The following OPCML variants were observed in gnomAD, a reference collection of about 807,000 sequenced individuals.
OPCML encodes opioid binding protein/cell adhesion molecule like.
A neutral mutation model predicts 37.8 loss-of-function variants in OPCML; 13 were observed. The observed-to-expected ratio is 0.34, with a 90% CI of 0.22 to 0.55. OPCML has a LOEUF of 0.55. OPCML is among the 20% of genes least tolerant of loss of function. OPCML has a pLI of 0.91. For missense variants in OPCML, 341 were observed against 435.6 expected (o/e 0.78, Z 1.93); for synonymous variants, 176 against 168.8 (o/e 1.04, Z -0.33).
chr11:132,711,575 A>C (rs1262411896), intron 2 of OPCML, among the ~76,000 whole-genome samples: 1 of 152,204 alleles, frequency 6.6e-6, no homozygotes, highest in East Asian at 1.9e-4. Flanking sequence ...CCAGGACAAC[A>C]TAGCTAGCAG....
At chr11:133,028,667 A>C (rs1441306579) in intron 1 of OPCML, among the ~76,000 whole-genome samples, 2 of 152,092 alleles carry the variant, frequency 1.3e-5, no homozygotes, top group Admixed American at 6.6e-5. Context: ...CAAAAGAATG[A>C]AACTGGACCC....
chr11:132,782,348 A>G (rs553333417), intron 2 of OPCML, among the ~76,000 whole-genome samples: 1 of 152,150 alleles, frequency 6.6e-6, no homozygotes, highest in African/African-American at 2.4e-5. Context: ...CTGCACACCC[A>G]CCACGGAGCT....
chr11:133,159,577 A>T (rs1214588263), intron 1 of OPCML, among the ~76,000 whole-genome samples: 2 of 152,254 alleles, frequency 1.3e-5, no homozygotes, highest in African/African-American at 4.8e-5. Context: ...AATTTCAATG[A>T]CTAAAGCAAG....
Position 133,058,813 on chromosome 11 carries a change from A to T in OPCML, c.62-115803T>A, listed in dbSNP as rs1565424257. ...ACCTAAGTATTTTAAGGATAAAAAT[A>T]ATCTGGCAAGATGACTTTACAGTCA... On this transcript the variant is annotated intron_variant, in intron 1 of 7. Transcript: ENST00000524381. Among the ~76,000 whole-genome samples the T allele has an allele frequency of 2.0e-5, 3 of 152,234 alleles. No individual in the cohort carries two copies. The South Asian group carries it at 6.2e-4, about 31-fold the overall frequency.
chr11:133,498,093 C>CGGAGAGGAGAGGAGA (rs1362095786), intron 1 of OPCML, among the ~76,000 whole-genome samples: 1 of 152,210 alleles, frequency 6.6e-6, no homozygotes, highest in Non-Finnish European at 1.5e-5. Context: ...TCTGCACCAC[C>CGGAGAGGAGAGGAGA]GGAGAGGAGA....
chr11:133,236,498 G>A (rs150038958), intron 1 of OPCML, among the ~76,000 whole-genome samples: 1 of 146,034 alleles, frequency 6.8e-6, no homozygotes, highest in African/African-American at 2.4e-5. Context: ...TAAAGTAGAG[G>A]TTCCTTTTCA....
chr11:132,534,340 C>A (rs189550557), intron 3 of OPCML, among the ~76,000 whole-genome samples: 4 of 152,154 alleles, frequency 2.6e-5, no homozygotes, highest in Non-Finnish European at 5.9e-5. Flanking sequence ...TCTCTCTGGC[C>A]CACTAAACTA....
rs144377195 is a variant in OPCML, at chr11:133,045,064, G to C, written c.62-102054C>G. Among the ~76,000 whole-genome samples, 5 of 152,254 alleles carry C rather than the reference G, an allele frequency of 3.3e-5. No individual in the cohort carries two copies. The East Asian group carries it at 9.7e-4, about 29-fold the overall frequency. ...GAGGAAAAAGTTGGCTACTGTCCTA[G>C]AGCTGGTTCAAATCCCCAGTCGAAG... is the stretch of plus-strand genomic sequence containing the variant. On this transcript the variant is annotated intron_variant, in intron 1 of 7. Transcript: ENST00000524381.
chr11:133,471,941 G>A (rs1947125813), intron 1 of OPCML, among the ~76,000 whole-genome samples: 1 of 152,184 alleles, frequency 6.6e-6, no homozygotes, highest in South Asian at 2.1e-4. Flanking sequence ...CCATGATTCT[G>A]CCAGTCATCC....
chr11:133,319,812 C>T (rs538587545), intron 1 of OPCML, among the ~76,000 whole-genome samples: 11 of 152,292 alleles, frequency 7.2e-5, no homozygotes, highest in Admixed American at 6.5e-4. Context: ...CTCCTGAGGT[C>T]GCCCTGGAGG....
intron 1 of OPCML, among the ~76,000 whole-genome samples, chr11:133,056,017 T>C (rs1476752572): frequency 6.6e-6 from 1 of 152,184 alleles, no homozygotes; most frequent in African/African-American, 2.4e-5. Flanking sequence ...TGAGACTCCA[T>C]GAGGGAGCCG....
intron 1 of OPCML, among the ~76,000 whole-genome samples, chr11:133,351,509 T>A (rs1026317645): frequency 7.5e-5 from 11 of 145,730 alleles, no homozygotes; most frequent in Non-Finnish European, 1.3e-4. Context: ...AATTGTTAGG[T>A]CATTGCTACT....
chr11:133,523,956 C>T (rs914592860), intron 1 of OPCML, among the ~76,000 whole-genome samples: 6 of 152,228 alleles, frequency 3.9e-5, no homozygotes, highest in South Asian at 4.1e-4. Context: ...ACACACCTCC[C>T]CTTCCATAGT....
Position 133,211,538 on chromosome 11 carries a change from C to T in OPCML, c.62-268528G>A, listed in dbSNP as rs987047954. Among the ~76,000 whole-genome samples the T allele has an allele frequency of 1.3e-5, 2 of 152,180 alleles. No homozygotes were observed. The highest frequency in any genetic ancestry group is 4.8e-5 in the African/African-American group (2 of 41,438). ...TAAGTCAGAGGAGGGGCTTTGAAAA[C>T]TTGAACACTTCCGAAGGTTCTGTAA... On this transcript the variant is annotated intron_variant, in intron 1 of 7. Transcript: ENST00000524381. This position sits in a 1 kb window ranked among gnomAD's most constrained non-coding sequence, Gnocchi z 4.1.
At chr11:133,481,481 G>A (rs572673256) in intron 1 of OPCML, among the ~76,000 whole-genome samples, 187 of 140,724 alleles carry the variant, frequency 1.3e-3, no homozygotes, top group African/African-American at 4.8e-3. Context: ...ATAAATAAAT[G>A]TATGTATGTA....
intron 2 of OPCML, among the ~76,000 whole-genome samples, chr11:132,781,480 G>A (rs1256451613): frequency 6.6e-6 from 1 of 151,978 alleles, no homozygotes; most frequent in African/African-American, 2.4e-5. Context: ...GCTCTTCGGG[G>A]TCTGCAGCTT....
At chr11:132,861,882 C>G (rs1273676891) in intron 2 of OPCML, among the ~76,000 whole-genome samples, 1 of 150,208 alleles carries the variant, frequency 6.7e-6, no homozygotes, top group Non-Finnish European at 1.5e-5. Context: ...TAATTTTACT[C>G]TCTCCTTAAG....
At chr11:132,930,144 G>A (rs1335174653) in intron 2 of OPCML, among the ~76,000 whole-genome samples, 1 of 152,062 alleles carries the variant, frequency 6.6e-6, no homozygotes, top group Non-Finnish European at 1.5e-5. Flanking sequence ...CAGGCAGATA[G>A]CTTGAGCCCA....
chr11:132,681,010 T>A (rs1022506232), intron 2 of OPCML, among the ~76,000 whole-genome samples: 1 of 152,130 alleles, frequency 6.6e-6, no homozygotes, highest in African/African-American at 2.4e-5. Context: ...GCAGAACCCC[T>A]CCAGCCAAGA....
Sources: gnomAD v4.1 joint callset for allele counts (sites outside exome capture counted in the v4.1 genomes callset) on GRCh38, gnomAD v4.1.1 for gene constraint, Gnocchi (gnomAD v3.1) non-coding constraint, MANE v1.5 for transcripts, NCBI Gene and HGNC (gene_info 2026-07-23, HGNC 2026-07-21) for gene names.